The following ATP10B variants were observed in gnomAD, a reference collection of about 807,000 sequenced individuals.
The protein encoded by ATP10B is phospholipid-transporting ATPase VB.
Under a neutral mutation model 141.2 loss-of-function variants are expected in ATP10B, and 122 were observed. The observed-to-expected ratio is 0.86, with a 90% CI of 0.75 to 1.00. The LOEUF (loss-of-function observed/expected upper bound fraction) is 1.00, where lower values mean the gene tolerates loss of function less well. Among genes scored for constraint, ATP10B ranks in the 50% least tolerant of loss-of-function variants. The pLI is 0.00. For missense variants in ATP10B, 1,876 were observed against 1,825.3 expected, an observed-to-expected ratio of 1.03 and a Z score of -0.51; for synonymous variants, 685 against 692.0, an observed-to-expected ratio of 0.99 and a Z score of 0.16.
At chr5:160,737,603 A>T (rs1767211293) in intron 2 of ATP10B, among the ~76,000 whole-genome samples, 1 of 152,322 alleles carries the variant, frequency 6.6e-6, no homozygotes, top group South Asian at 2.1e-4. Context: ...CTATATGACA[A>T]AACTGAACAA....
chr5:160,809,772 C>T (rs1057012948), intron 1 of ATP10B, among the ~76,000 whole-genome samples: 2 of 152,194 alleles, frequency 1.3e-5, no homozygotes, highest in African/African-American at 4.8e-5. Context: ...GTGATGTTAT[C>T]TGTTCCTTAA....
chr5:160,831,191 G>A (rs904232801), intron 1 of ATP10B, among the ~76,000 whole-genome samples: 1 of 151,404 alleles, frequency 6.6e-6, no homozygotes, highest in Middle Eastern at 3.4e-3. Context: ...TTCTTAGTTT[G>A]TTGTTGAGCC....
intron 1 of ATP10B, among the ~76,000 whole-genome samples, chr5:160,826,662 C>G (rs1188883399): frequency 6.6e-6 from 1 of 152,052 alleles, no homozygotes; most frequent in Non-Finnish European, 1.5e-5. Flanking sequence ...TTGCAGAGAG[C>G]CTATAAATGG....
At chr5:160,721,990 T>A (rs1403508398) in intron 2 of ATP10B, among the ~76,000 whole-genome samples, 2 of 152,166 alleles carry the variant, frequency 1.3e-5, no homozygotes, top group East Asian at 3.9e-4. Flanking sequence ...TCAATTACCT[T>A]CTTTGTGTGG....
At chr5:160,603,915 G>A (rs10043577) in intron 20 of ATP10B, 50 bp downstream of exon 20, 33,158 of 1,503,866 alleles carry the variant, frequency 0.022, 409 homozygotes, top group Middle Eastern at 0.043. Flanking sequence ...ATATTTCCTT[G>A]TATCTCAACT....
At chr5:160,798,996 C>T (rs1772162391) in intron 1 of ATP10B, among the ~76,000 whole-genome samples, 1 of 152,236 alleles carries the variant, frequency 6.6e-6, no homozygotes, top group East Asian at 1.9e-4. Context: ...AGATGATCCA[C>T]CTGCCCGGCT....
intron 8 of ATP10B, among the ~76,000 whole-genome samples, chr5:160,646,144 G>C (rs1184417219): frequency 6.6e-6 from 1 of 152,130 alleles, no homozygotes; most frequent in Non-Finnish European, 1.5e-5. Flanking sequence ...TAGTACATGA[G>C]ACATCCTAAG....
chr5:160,675,886 C>G (rs1049736649), intron 6 of ATP10B, among the ~76,000 whole-genome samples: 1 of 150,606 alleles, frequency 6.6e-6, no homozygotes, highest in African/African-American at 2.4e-5. Context: ...GGAGGGGGGG[C>G]GACCAGGACC....
At chr5:160,723,399 A>T (rs1766111139) in intron 2 of ATP10B, among the ~76,000 whole-genome samples, 1 of 152,216 alleles carries the variant, frequency 6.6e-6, no homozygotes, top group Non-Finnish European at 1.5e-5. Flanking sequence ...GAAGAGGAGG[A>T]GGATGTAACA....
intron 25 of ATP10B, among the ~76,000 whole-genome samples, chr5:160,568,471 TA>T (rs1345903075): frequency 1.3e-5 from 2 of 152,210 alleles, no homozygotes; most frequent in Non-Finnish European, 2.9e-5. Flanking sequence ...TGCTATCGCT[TA>T]AAATGATAAA....
At chr5:160,640,699 C>A (rs1411190786) in intron 9 of ATP10B, 107 bp from the exon 10 acceptor site, 53 of 1,431,060 alleles carry the variant, frequency 3.7e-5, no homozygotes, top group Non-Finnish European at 4.8e-5. Flanking sequence ...AGAGGCTTCA[C>A]TCTTTAACCT....
intron 2 of ATP10B, among the ~76,000 whole-genome samples, chr5:160,746,846 G>T (rs1378553367): frequency 6.6e-6 from 1 of 152,176 alleles, no homozygotes; most frequent in African/African-American, 2.4e-5. Flanking sequence ...AGGAAATTGT[G>T]GCCCAGAGAT....
rs1398231828 is a variant in ATP10B, at chr5:160,707,844, A to T, written c.-205+9065T>A. 2.6e-5 allele frequency among the ~76,000 whole-genome samples: 4 copies of T among 152,230 alleles called. No individual in the cohort carries two copies. In the East Asian group the frequency reaches 7.7e-4, roughly 29 times the overall value. ...AAGTACTCCTGTGGCTTGAATGGCA[A>T]AATGCCCGTGGAGACTCAGAGAAGC... On this transcript the variant is annotated intron_variant, in intron 3 of 25. Coordinates refer to ENST00000327245, the MANE Select transcript of ATP10B (RefSeq NM_025153.3).
At chr5:160,652,858 AT>A (rs1253925771) in intron 7 of ATP10B, among the ~76,000 whole-genome samples, 1 of 82,534 alleles carries the variant, frequency 1.2e-5, no homozygotes, top group Non-Finnish European at 2.2e-5. Flanking sequence ...AAGATTATAA[AT>A]TATATATAAT....
At chr5:160,688,295 G>A (rs1013066521) in intron 4 of ATP10B, among the ~76,000 whole-genome samples, 1 of 152,170 alleles carries the variant, frequency 6.6e-6, no homozygotes, top group African/African-American at 2.4e-5. Context: ...TGACATTAGA[G>A]TCATAAGGAT....
chr5:160,925,008 C>G, the ATP10B span, among the ~76,000 whole-genome samples: 2 of 152,172 alleles, frequency 1.3e-5, no homozygotes, highest in Non-Finnish European at 2.9e-5. Context: ...TCATTTGCAA[C>G]AAGACACTTC....
the ATP10B span, among the ~76,000 whole-genome samples, chr5:160,922,842 C>G: frequency 1.3e-5 from 2 of 152,196 alleles, no homozygotes; most frequent in Non-Finnish European, 2.9e-5. Context: ...TGGGGCCCCT[C>G]CAAGCCCTTG....
the ATP10B span, among the ~76,000 whole-genome samples, chr5:160,887,738 T>C: frequency 6.6e-6 from 1 of 152,200 alleles, no homozygotes; most frequent in African/African-American, 2.4e-5. Context: ...CCCTGCTGTC[T>C]GGATTGTTCT....
At chr5:160,849,617 T>TTACACACACACACA (rs1474048323) in intron 1 of ATP10B, among the ~76,000 whole-genome samples, 4 of 35,504 alleles carry the variant, frequency 1.1e-4, no homozygotes. Context: ...GTACTGGCAA[T>TTACACACACACACA]TACACACACA....
Sources: gnomAD v4.1 joint callset for allele counts (sites outside exome capture counted in the v4.1 genomes callset) on GRCh38, gnomAD v4.1.1 for gene constraint, MANE v1.5 for transcripts, NCBI Gene and HGNC (gene_info 2026-07-23, HGNC 2026-07-21) for gene names.